Variants in ANTXR1 observed in about 807,000 individuals in gnomAD.
ANTXR1 encodes anthrax toxin receptor 1.
In ANTXR1, 19 loss-of-function variants were observed where a neutral mutation model predicts 78.1. The ratio of observed to expected loss-of-function variants is 0.24; its 90% CI spans 0.17 to 0.36. ANTXR1 has a LOEUF of 0.36. Ranked by LOEUF, ANTXR1 falls within the 10% of genes least tolerant of loss-of-function variation. The pLI, the probability that ANTXR1 is intolerant of heterozygous loss-of-function variation, is 1.00. For synonymous variants in ANTXR1, 273 were observed against 260.5 expected (o/e 1.05, Z -0.46); for missense variants, 518 against 718.6 (o/e 0.72, Z 3.19).
intron 12 of ANTXR1, chr2:69,145,205 G>T: frequency 1.0e-6 from 1 of 961,208 alleles, no homozygotes. Context: ...GAGTTACGGG[G>T]GGCTGATTCG....
At position 69,013,681 on chromosome 2, in the gene ANTXR1, C is replaced by G; in HGVS notation, c.152+30C>G. 6.4e-7 allele frequency: 1 copy of G among 1,551,460 alleles called. No individual in the cohort carries two copies. The highest frequency in any genetic ancestry group is 8.7e-7 in the Non-Finnish European group (1 of 1,146,820). On this transcript the variant is annotated intron_variant, in intron 1 of 17. Transcript: ENST00000303714. This position sits in a 1 kb window ranked among gnomAD's most constrained non-coding sequence, Gnocchi z 5.0. ...GTGCCGCGAGTTGTCCCCCCCACCC[C>G]AGGCTAAGCGGGCGAAAACGCTTTC...
chr2:69,137,588 C>G (rs534096031), intron 12 of ANTXR1, among the ~76,000 whole-genome samples: 5 of 152,058 alleles, frequency 3.3e-5, no homozygotes, highest in African/African-American at 9.6e-5. Context: ...GCAACAGGCT[C>G]TACAACAGGG....
chr2:69,241,139 C>T (rs976909264), intron 17 of ANTXR1, among the ~76,000 whole-genome samples: 4 of 152,130 alleles, frequency 2.6e-5, no homozygotes, highest in South Asian at 2.1e-4. Flanking sequence ...TCAAACCACC[C>T]AAAACCAATA....
chr2:69,151,054 A>T (rs1274448742), intron 12 of ANTXR1, among the ~76,000 whole-genome samples: 2 of 152,144 alleles, frequency 1.3e-5, no homozygotes, highest in Non-Finnish European at 2.9e-5. Flanking sequence ...ATTATTTGAC[A>T]ATGTAATGTC....
intron 10 of ANTXR1, among the ~76,000 whole-genome samples, chr2:69,110,547 A>AAAAT (rs769657099): frequency 3.2e-4 from 48 of 152,184 alleles, no homozygotes; most frequent in Non-Finnish European, 6.2e-4. Context: ...TAATATGGCA[A>AAAAT]AAATAAATAA....
At chr2:69,068,820 G>A (rs1388276877) in intron 3 of ANTXR1, among the ~76,000 whole-genome samples, 1 of 152,230 alleles carries the variant, frequency 6.6e-6, no homozygotes, top group African/African-American at 2.4e-5. Context: ...CAGTGGCTAA[G>A]CAAGAGATGA....
chr2:69,100,653 G>T (rs1671579238), intron 9 of ANTXR1, among the ~76,000 whole-genome samples: 1 of 152,184 alleles, frequency 6.6e-6, no homozygotes, highest in Non-Finnish European at 1.5e-5. Flanking sequence ...AGAGAAGTAG[G>T]CACAGAAGTG....
intron 10 of ANTXR1, among the ~76,000 whole-genome samples, chr2:69,118,578 C>T (rs933958887): frequency 6.6e-6 from 1 of 152,212 alleles, no homozygotes; most frequent in Non-Finnish European, 1.5e-5. Context: ...TTTCCCTGCC[C>T]ACCCGGTGCT....
At chr2:69,128,970 T>C (rs1020172932) in intron 12 of ANTXR1, among the ~76,000 whole-genome samples, 1 of 152,216 alleles carries the variant, frequency 6.6e-6, no homozygotes, top group Admixed American at 6.5e-5. Flanking sequence ...TGAATAACTG[T>C]TGCCTGAGCC....
intron 10 of ANTXR1, 142 bp from the exon 11 acceptor site, chr2:69,122,875 G>A (rs1012165406): frequency 7.1e-6 from 6 of 840,178 alleles, no homozygotes; most frequent in South Asian, 1.4e-5. Flanking sequence ...ATAGTTTGCT[G>A]TACAGCTTAA....
intron 5 of ANTXR1, 106 bp from the exon 6 acceptor site, chr2:69,072,916 T>C: frequency 1.8e-6 from 2 of 1,123,912 alleles, no homozygotes. Context: ...TCTCACAATA[T>C]TGACTTTGGG....
chr2:69,095,884 A>G (rs559084693), intron 9 of ANTXR1, among the ~76,000 whole-genome samples: 1 of 152,194 alleles, frequency 6.6e-6, no homozygotes, highest in Admixed American at 6.5e-5. Context: ...GGAAACCAGT[A>G]TTCCTGGAAC....
intron 1 of ANTXR1, among the ~76,000 whole-genome samples, chr2:69,027,206 G>A (rs1037028339): frequency 6.6e-6 from 1 of 152,154 alleles, no homozygotes; most frequent in Non-Finnish European, 1.5e-5. Flanking sequence ...GGGAAACCAA[G>A]CCACAAGAGA....
intron 3 of ANTXR1, among the ~76,000 whole-genome samples, chr2:69,065,930 T>C (rs1670385429): frequency 6.6e-6 from 1 of 152,236 alleles, no homozygotes; most frequent in South Asian, 2.1e-4. Context: ...GTGTTTACTG[T>C]GTAAGTTGAG....
chr2:69,103,759 T>A (rs1671711066), intron 10 of ANTXR1: 1 of 155,998 alleles, frequency 6.4e-6, no homozygotes, highest in Admixed American at 6.5e-5. Flanking sequence ...TAATTATTTA[T>A]TCCACATCTG....
chr2:69,107,121 C>T (rs559895093), intron 10 of ANTXR1, among the ~76,000 whole-genome samples: 4 of 152,006 alleles, frequency 2.6e-5, no homozygotes, highest in Non-Finnish European at 5.9e-5. Flanking sequence ...TCATCCCCCC[C>T]CCGAACGAAA....
rs1017816094 is a variant in ANTXR1 at position 69,096,284 on chromosome 2, G to C, written c.703+5365G>C. 1.9e-3 allele frequency among the ~76,000 whole-genome samples: 4 copies of C among 2,094 alleles called. 1 individual carries two copies. Among genetic ancestry groups the C allele is most frequent in the Non-Finnish European group, 4.7e-3 (4 of 860 alleles). The allele number at this position is 2,094 out of a possible 152,430, so 1.4% of individuals were successfully genotyped here. On this transcript the variant is annotated intron_variant, in intron 9 of 17. Coordinates refer to ENST00000303714, the MANE Select transcript of ANTXR1 (RefSeq NM_032208.3). Reference sequence around the variant, plus strand: ...AGGAAGGAAGGAAGGAAGGAAGGAAGGAAGGGAGGAAGGGAGGAAGGGAGG... The same window carrying C: ...AGGAAGGAAGGAAGGAAGGAAGGAACGAAGGGAGGAAGGGAGGAAGGGAGG...
chr2:69,083,730 C>T (rs1487968850), intron 8 of ANTXR1, among the ~76,000 whole-genome samples: 7 of 152,180 alleles, frequency 4.6e-5, no homozygotes, highest in East Asian at 1.9e-4. Flanking sequence ...TCTGTGGCTC[C>T]GTTTCTTGTA....
At chr2:69,193,764 T>G (rs1407383216) in intron 17 of ANTXR1, among the ~76,000 whole-genome samples, 3 of 152,202 alleles carry the variant, frequency 2.0e-5, no homozygotes, top group Non-Finnish European at 4.4e-5. Context: ...TGGCCCCTAC[T>G]TGGGGCAGTT....
Sources: allele counts gnomAD v4.1 joint callset (sites outside exome capture counted in the v4.1 genomes callset), GRCh38; gene constraint gnomAD v4.1.1; non-coding constraint Gnocchi (gnomAD v3.1); transcripts MANE v1.5; gene names NCBI Gene and HGNC (gene_info 2026-07-23, HGNC 2026-07-21).